Variants in MTCL1 observed in about 807,000 individuals in gnomAD.
The protein encoded by MTCL1 is microtubule cross-linking factor 1.
MTCL1 carries 79 observed loss-of-function variants against 141.4 expected under a neutral mutation model. That is an observed-to-expected ratio of 0.56 (90% CI 0.47 to 0.67). The LOEUF is 0.67. Among genes scored for constraint, MTCL1 ranks in the 30% least tolerant of loss-of-function variants. The probability of loss-of-function intolerance (pLI) is 0.00; values close to 1 mark genes in which losing one functional copy is unlikely to be tolerated. For synonymous variants in MTCL1, 914 were observed against 875.8 expected (o/e 1.04, Z -0.77); for missense variants, 2,177 against 2,113.9 (o/e 1.03, Z -0.59).
At chr18:8,807,138 A>G in intron 11 of MTCL1, 78 bp downstream of exon 10, 2 of 1,402,294 alleles carry the variant, frequency 1.4e-6, no homozygotes, top group Non-Finnish European at 1.9e-6. Flanking sequence ...GAGCGGGCAC[A>G]GAGAGATTCA....
exon 10 of MTCL1, chr18:8,798,262 A>G (rs752370190): frequency 6.4e-7 from 1 of 1,570,264 alleles, no homozygotes; most frequent in East Asian, 2.4e-5. Context: ...GCGGCTGCAG[A>G]CCGCGGACAG....
intron 14 of MTCL1, among the ~76,000 whole-genome samples, chr18:8,821,839 T>C (rs894944320): frequency 5.9e-5 from 9 of 152,182 alleles, no homozygotes; most frequent in African/African-American, 2.2e-4. Flanking sequence ...AAAACTCTCT[T>C]TTGTATGCTG....
intron 4 of MTCL1, among the ~76,000 whole-genome samples, chr18:8,760,858 T>A (rs949205408): frequency 6.6e-6 from 1 of 152,244 alleles, no homozygotes; most frequent in Non-Finnish European, 1.5e-5. Flanking sequence ...ATTTTAGAAA[T>A]ATTTTTCCAC....
intron 4 of MTCL1, among the ~76,000 whole-genome samples, chr18:8,745,382 G>A (rs1009158060): frequency 3.0e-4 from 45 of 152,102 alleles, no homozygotes; most frequent in African/African-American, 1.1e-3. Flanking sequence ...ACCAAGAGAC[G>A]GAGTCGCACT....
chr18:8,770,198 G>GTA (rs1568002359), intron 4 of MTCL1, among the ~76,000 whole-genome samples: 1 of 152,158 alleles, frequency 6.6e-6, no homozygotes, highest in Non-Finnish European at 1.5e-5. Flanking sequence ...AAGTTTAGGG[G>GTA]ATCTTGAAAC....
exon 6 of MTCL1, chr18:8,783,810 G>A (rs777968500): frequency 3.1e-6 from 5 of 1,613,174 alleles, no homozygotes; most frequent in Non-Finnish European, 3.4e-6. Context: ...GTGGAGAACC[G>A]TGGCCTCAAG....
At position 8,786,112 on chromosome 18, in the gene MTCL1, C is replaced by CG. The variant is rs200311053; in HGVS notation, c.1887+21_1887+22insG. The CG allele has an allele frequency of 2.9e-4, 401 of 1,362,966 alleles. 3 individuals are homozygous for CG. The highest frequency in any genetic ancestry group is 2.2e-3 in the East Asian group (79 of 35,480). The allele number at this position is 1,362,966 out of a possible 1,614,324, so 84.4% of individuals were successfully genotyped here. A position where few individuals can be genotyped will look rare whatever the true frequency, so the allele number is the denominator to read the frequency against. ...TGGAGGTCAGCGTGGGCAAGCAATC[C>CG]CCCCCCCCCGCCCTCCCCCTCCTTT... On this transcript the variant is annotated intron_variant, in intron 7 of 16. Transcript: ENST00000359865.
intron 16 of MTCL1, chr18:8,829,166 C>T: frequency 1.0e-6 from 1 of 985,458 alleles, no homozygotes; most frequent in South Asian, 4.7e-5. Context: ...GGGTTGACCA[C>T]TCAATGCAAA....
chr18:8,828,794 G>C lies in MTCL1; in HGVS notation c.4723-114G>C. On this transcript the variant is annotated intron_variant, in intron 15 of 16. Transcript: ENST00000359865. This position sits in a 1 kb window ranked among gnomAD's most constrained non-coding sequence, Gnocchi z 5.2. ...TCCTGGTGGCTACCCCTGAGCGAGA[G>C]GGATGGTCCTCTACCTCCGGGCTTG... 6.5e-7 allele frequency: 1 copy of C among 1,544,648 alleles called. No homozygotes were observed. Among genetic ancestry groups the C allele is most frequent in the Non-Finnish European group, 8.7e-7 (1 of 1,143,296 alleles).
chr18:8,786,644 C>T, intron 7 of MTCL1: 2 of 300,024 alleles, frequency 6.7e-6, no homozygotes, highest in South Asian at 3.2e-5. Context: ...TCAGCCACCA[C>T]AGAGACCATG....
At chr18:8,770,929 G>A (rs527972510) in intron 4 of MTCL1, among the ~76,000 whole-genome samples, 1 of 152,036 alleles carries the variant, frequency 6.6e-6, no homozygotes, top group Admixed American at 6.5e-5. Context: ...AACTATTAAA[G>A]GGATAGGTGA....
intron 4 of MTCL1, among the ~76,000 whole-genome samples, chr18:8,755,297 A>G (rs1451223778): frequency 6.6e-6 from 1 of 152,132 alleles, no homozygotes; most frequent in African/African-American, 2.4e-5. Context: ...TTGTTGTTTT[A>G]ACCGGGATTG....
chr18:8,746,917 C>G (rs1489316622), intron 4 of MTCL1, among the ~76,000 whole-genome samples: 2 of 152,116 alleles, frequency 1.3e-5, no homozygotes, highest in African/African-American at 4.8e-5. Context: ...AGAAAGGAGA[C>G]AAAAGTGGAA....
In MTCL1 at chr18:8,786,110, T is replaced by TCACCC; in HGVS notation, c.1887+20_1887+21insACCCC. Reference sequence around the variant, plus strand: ...CCTGGAGGTCAGCGTGGGCAAGCAATCCCCCCCCCCCGCCCTCCCCCTCCT... The same window carrying TCACCC: ...CCTGGAGGTCAGCGTGGGCAAGCAATCACCCCCCCCCCCCCCGCCCTCCCCCTCCT... On this transcript the variant is annotated intron_variant, in intron 7 of 16. Coordinates refer to ENST00000359865, the Ensembl canonical transcript of MTCL1. 7 of 1,310,346 alleles carry TCACCC rather than the reference T, an allele frequency of 5.3e-6. No homozygotes were observed. Among genetic ancestry groups the TCACCC allele is most frequent in the South Asian group, 5.2e-5 (4 of 77,210 alleles). The allele number at this position is 1,310,346 out of a possible 1,614,324, so 81.2% of individuals were successfully genotyped here.
At chr18:8,807,031 T>A (rs1207736398) in exon 11 of MTCL1, 4 of 1,613,112 alleles carry the variant, frequency 2.5e-6, no homozygotes, top group Non-Finnish European at 3.4e-6. Context: ...GGACGTGGAG[T>A]GGGCCGTGCT....
intron 14 of MTCL1, among the ~76,000 whole-genome samples, chr18:8,821,710 A>G (rs1370220581): frequency 6.6e-6 from 1 of 152,186 alleles, no homozygotes; most frequent in African/African-American, 2.4e-5. Flanking sequence ...TCACATGTGT[A>G]TGAGTTTTAT....
chr18:8,744,777 G>A (rs969417625), intron 4 of MTCL1, among the ~76,000 whole-genome samples: 1 of 152,070 alleles, frequency 6.6e-6, no homozygotes, highest in African/African-American at 2.4e-5. Flanking sequence ...TATTCAAGAC[G>A]GGGGCACTCA....
chr18:8,723,775 CCTT>C (rs2096189222), intron 4 of MTCL1, among the ~76,000 whole-genome samples: 1 of 152,170 alleles, frequency 6.6e-6, no homozygotes, highest in South Asian at 2.1e-4. Context: ...CCCTCTTCTC[CCTT>C]CTTCAGCCAC....
intron 7 of MTCL1, chr18:8,787,419 T>C (rs879312458): frequency 6.5e-6 from 1 of 153,032 alleles, no homozygotes; most frequent in Non-Finnish European, 1.5e-5. Context: ...CAGAACTGGG[T>C]CTAGAACAGC....
Sources: gnomAD v4.1 joint callset for allele counts (sites outside exome capture counted in the v4.1 genomes callset) on GRCh38, gnomAD v4.1.1 for gene constraint, Gnocchi (gnomAD v3.1) non-coding constraint, MANE v1.5 for transcripts, NCBI Gene and HGNC (gene_info 2026-07-23, HGNC 2026-07-21) for gene names.